The following TRAPPC11 variants were observed in gnomAD, a reference collection of about 807,000 sequenced individuals.
The protein encoded by TRAPPC11 is foie gras homolog.
TRAPPC11 carries 104 observed loss-of-function variants against 151.2 expected under a neutral mutation model. The ratio of observed to expected loss-of-function variants is 0.69; its 90% CI spans 0.59 to 0.81. The LOEUF is 0.81. Ranked by LOEUF, TRAPPC11 falls within the 30% of genes least tolerant of loss-of-function variation. TRAPPC11 has a pLI of 0.00. For synonymous variants in TRAPPC11, 456 were observed against 472.3 expected (o/e 0.97, Z 0.45); for missense variants, 1,230 against 1,349.6 (o/e 0.91, Z 1.39).
In TRAPPC11 at chr4:183,697,708, C is replaced by T. The variant is rs771986864; in HGVS notation, c.2724C>T (p.Asp908=). Residue 908 remains aspartate, a synonymous_variant, in exon 25 of 30, where the codon GAC becomes GAT. Transcript: ENST00000334690. The stretch of plus-strand genomic sequence containing the variant: ...AGCACCTGGAAAGGGTTTATGCTGA[C>T]ATCCCCTTTCTGTTGATGACGGACC... ...KFEHLERVYA[D]IPFLLMTDLL... is the part of the protein sequence containing the mutation. 28 of 1,614,166 alleles carry T rather than the reference C, an allele frequency of 1.7e-5. No homozygotes were observed. The highest frequency in any genetic ancestry group is 2.2e-5 in the Non-Finnish European group (26 of 1,180,032).
rs1467639502 is a variant in TRAPPC11 at position 183,674,914 on chromosome 4, T to G, written c.660+102T>G. 1.5e-5 allele frequency: 11 copies of G among 711,760 alleles called. No homozygotes were observed. In the Admixed American group the frequency reaches 3.3e-4, roughly 21 times the overall value. 44.1% of individuals were successfully genotyped at this position (711,760 alleles called of 1,614,324 possible). On this transcript the variant is annotated intron_variant, in intron 6 of 29. Coordinates refer to ENST00000334690, the MANE Select transcript of TRAPPC11 (RefSeq NM_021942.6). Reference sequence around the variant, plus strand: ...TAATACTTTAATGTTTTAAATGGTTTCAGCATTTCTAAAGTTTTTTTCAAT... The same window carrying G: ...TAATACTTTAATGTTTTAAATGGTTGCAGCATTTCTAAAGTTTTTTTCAAT...
At chr4:183,690,226 G>GA (rs5864851) in intron 18 of TRAPPC11, among the ~76,000 whole-genome samples, 104,217 of 149,526 alleles carry the variant, frequency 0.7, 36,251 homozygotes, top group Middle Eastern at 0.83. Context: ...TAAACCATAA[G>GA]AAAAAAAAAA....
intron 5 of TRAPPC11, among the ~76,000 whole-genome samples, chr4:183,669,270 C>T (rs1193162410): frequency 3.3e-5 from 5 of 152,098 alleles, no homozygotes; most frequent in African/African-American, 1.2e-4. Flanking sequence ...GAGTTTTATT[C>T]CTTAAATGCA....
At chr4:183,660,952 A>G (rs539492617) in intron 1 of TRAPPC11, among the ~76,000 whole-genome samples, 39 of 148,538 alleles carry the variant, frequency 2.6e-4, no homozygotes, top group African/African-American at 9.2e-4. Context: ...GACCTCGTGA[A>G]TCGCCCGCCT....
intron 19 of TRAPPC11, 109 bp from the exon 20 acceptor site, chr4:183,692,851 T>C: frequency 1.0e-6 from 1 of 960,094 alleles, no homozygotes; most frequent in Non-Finnish European, 1.5e-6. Flanking sequence ...ACTGGGGGTC[T>C]CTAGATGAAC....
At chr4:183,669,598 G>A (rs1473850498) in intron 5 of TRAPPC11, among the ~76,000 whole-genome samples, 1 of 152,144 alleles carries the variant, frequency 6.6e-6, no homozygotes. Flanking sequence ...ACTCTTCACT[G>A]AGCAGCATTA....
At chr4:183,699,849 G>A (rs1469945802) in intron 25 of TRAPPC11, among the ~76,000 whole-genome samples, 5 of 149,808 alleles carry the variant, frequency 3.3e-5, no homozygotes, top group East Asian at 1.9e-4. Flanking sequence ...TTTTTTTTGA[G>A]ACAGAGTCTC....
chr4:183,680,841 C>T lies in TRAPPC11; in HGVS notation c.1113+574C>T, dbSNP rs186731344. 4.2e-3 allele frequency among the ~76,000 whole-genome samples: 638 copies of T among 151,922 alleles called. 1 individual carries two copies. The highest frequency in any genetic ancestry group is 0.014 in the African/African-American group (594 of 41,436). ...CTGAGTAGCTGGGATTACAGGCGCC[C>T]GCCACCACGCCTGGCTAATTTTTGT... On this transcript the variant is annotated intron_variant, in intron 10 of 29. Coordinates refer to ENST00000334690, the MANE Select transcript of TRAPPC11 (RefSeq NM_021942.6).
At chr4:183,684,869 C>A (rs998828278) in intron 15 of TRAPPC11, 28 bp downstream of exon 15, 1 of 1,589,750 alleles carries the variant, frequency 6.3e-7, no homozygotes, top group Non-Finnish European at 8.6e-7. Context: ...GAGTAAAATT[C>A]TTGATACATA....
chr4:183,680,567 A>G (rs764201944), intron 10 of TRAPPC11, among the ~76,000 whole-genome samples: 14 of 150,844 alleles, frequency 9.3e-5, no homozygotes, highest in African/African-American at 3.2e-4. Flanking sequence ...CTATAAATCC[A>G]TTGTTTTGTT....
intron 9 of TRAPPC11, among the ~76,000 whole-genome samples, chr4:183,679,795 G>A (rs1166579486): frequency 2.6e-5 from 4 of 152,176 alleles, no homozygotes. Context: ...CACTGTTTGA[G>A]AATGAAGTTT....
In TRAPPC11 at chr4:183,704,949, A is replaced by G. The variant is rs759045954; in HGVS notation, c.2964-30A>G. On this transcript the variant is annotated intron_variant, in intron 26 of 29. Coordinates refer to ENST00000334690, the MANE Select transcript of TRAPPC11 (RefSeq NM_021942.6). ...ATAGTTTAAAAAGATGTTTAAAAAG[A>G]GTTTAAAAAGATGACCTCTTCTGCC... is the stretch of plus-strand genomic sequence containing the variant. 5 of 1,420,282 alleles carry G rather than the reference A, an allele frequency of 3.5e-6. No homozygotes were observed. The Admixed American group carries it at 6.8e-5, about 19-fold the overall frequency. The allele number at this position is 1,420,282 out of a possible 1,614,324, so 88.0% of individuals were successfully genotyped here.
chr4:183,682,780 G>A lies in TRAPPC11; in HGVS notation c.1162G>A (p.Val388Ile), dbSNP rs925965846. 16 of 1,613,650 alleles carry A rather than the reference G, an allele frequency of 9.9e-6. No homozygotes were observed. In the Middle Eastern group the frequency reaches 4.9e-4, roughly 50 times the overall value. Reference protein sequence around the residue: ...NPDPLETQTGVLDFYGQRSWR... With the variant: ...NPDPLETQTGILDFYGQRSWR... Reference sequence around the variant, plus strand: ...TGATCCCTTAGAAACACAAACAGGCGTTCTTGACTTTTATGGACAAAGATC... The same window carrying A: ...TGATCCCTTAGAAACACAAACAGGCATTCTTGACTTTTATGGACAAAGATC... Residue 388 changes from valine to isoleucine, a missense_variant, in exon 11 of 30, where the codon GTT (valine) becomes ATT (isoleucine). Transcript: ENST00000334690.
At position 183,685,377 on chromosome 4, in the gene TRAPPC11, TAGG is replaced by T. The variant is rs1735915008; in HGVS notation, c.1739_1741del (p.Gly580del). ...CTGGCTGGCAGCAATATTTTCACAA[TAGG>T]AGTACAGGACTTTGTGCCATTTGGT... is the stretch of plus-strand genomic sequence containing the variant. On this transcript the variant is annotated inframe_deletion, in exon 17 of 30. Coordinates refer to ENST00000334690, the MANE Select transcript of TRAPPC11 (RefSeq NM_021942.6). 4.3e-6 allele frequency: 7 copies of T among 1,614,174 alleles called. No homozygotes were observed. The highest frequency in any genetic ancestry group is 5.1e-6 in the Non-Finnish European group (6 of 1,180,006).
rs1037809986 is a variant in TRAPPC11, at chr4:183,712,879, A to G, written c.*235A>G. 6.8e-5 allele frequency: 31 copies of G among 457,102 alleles called. No homozygotes were observed. The highest frequency in any genetic ancestry group is 5.5e-4 in the Middle Eastern group (1 of 1,818). 28.3% of individuals were successfully genotyped at this position (457,102 alleles called of 1,614,324 possible). A position where few individuals can be genotyped will look rare whatever the true frequency, so the allele number is the denominator to read the frequency against. On this transcript the variant is annotated 3_prime_UTR_variant, in exon 30 of 30. Coordinates refer to ENST00000334690, the MANE Select transcript of TRAPPC11 (RefSeq NM_021942.6). ...GTACGACATGAAAGAATGTCAGACC[A>G]TTGTTATTGTTGAAAGTCATTTGAT...
intron 1 of TRAPPC11, 111 bp from the exon 2 acceptor site, chr4:183,663,736 G>GTTTTTTT (rs70959134): frequency 1.5e-5 from 6 of 388,342 alleles, no homozygotes; most frequent in East Asian, 4.7e-5. Context: ...AATATGAGTT[G>GTTTTTTT]TTTTTTTTTT....
chr4:183,661,422 A>AGTG (rs199740133), intron 1 of TRAPPC11, among the ~76,000 whole-genome samples: 3,533 of 118,636 alleles, frequency 0.03, 62 homozygotes, highest in Middle Eastern at 0.16. Flanking sequence ...CCCAGGCTGG[A>AGTG]GTGCAGTGGC....
intron 27 of TRAPPC11, chr4:183,705,943 ACAG>A (rs957281402): frequency 6.6e-6 from 1 of 152,192 alleles, no homozygotes; most frequent in African/African-American, 2.4e-5. Flanking sequence ...GCTCACTTCA[ACAG>A]CATACATGTA....
chr4:183,706,656 C>T (rs571788360), intron 27 of TRAPPC11, 151 bp from the exon 28 acceptor site: 2 of 753,064 alleles, frequency 2.7e-6, no homozygotes, highest in Admixed American at 3.0e-5. Context: ...TGCTGTTGTC[C>T]AATCAAAGAA....
Sources: gnomAD v4.1 joint callset for allele counts (sites outside exome capture counted in the v4.1 genomes callset) on GRCh38, gnomAD v4.1.1 for gene constraint, MANE v1.5 for transcripts, NCBI Gene and HGNC (gene_info 2026-07-23, HGNC 2026-07-21) for gene names.